OLFM3: variants seen among roughly 807,000 people sequenced by gnomAD.
The protein encoded by OLFM3 is olfactomedin 3.
OLFM3 carries 20 observed loss-of-function variants against 48.6 expected under a neutral mutation model. That is an observed-to-expected ratio of 0.41 (90% CI 0.29 to 0.60). The LOEUF is 0.60. OLFM3 is among the 20% of genes least tolerant of loss of function. OLFM3 has a pLI of 0.28. For synonymous variants in OLFM3, 222 were observed against 198.1 expected (o/e 1.12, Z -1.01); for missense variants, 437 against 544.3 (o/e 0.80, Z 1.96).
chr1:101,885,276 T>G (rs185939588), intron 1 of OLFM3, among the ~76,000 whole-genome samples: 1 of 152,140 alleles, frequency 6.6e-6, no homozygotes, highest in East Asian at 1.9e-4. Context: ...AAGATGACTT[T>G]ATGGAGATGG....
chr1:101,985,996 C>T (rs1049446680), intron 1 of OLFM3, among the ~76,000 whole-genome samples: 7 of 145,470 alleles, frequency 4.8e-5, no homozygotes, highest in Admixed American at 2.8e-4. Context: ...CACAGAGTCT[C>T]GCTCTGTCCC....
chr1:101,830,175 G>A (rs1012512795), intron 3 of OLFM3, among the ~76,000 whole-genome samples: 1 of 152,028 alleles, frequency 6.6e-6, no homozygotes, highest in African/African-American at 2.4e-5. Flanking sequence ...TTCATATATA[G>A]TTAACAAAAG....
At chr1:101,911,876 C>T (rs1193607973) in intron 1 of OLFM3, among the ~76,000 whole-genome samples, 1 of 152,184 alleles carries the variant, frequency 6.6e-6, no homozygotes, top group Non-Finnish European at 1.5e-5. Context: ...TGAACTTTCT[C>T]CCATATCTTG....
chr1:101,866,118 A>G (rs1022980954), intron 1 of OLFM3, among the ~76,000 whole-genome samples: 5 of 152,204 alleles, frequency 3.3e-5, no homozygotes, highest in Non-Finnish European at 7.4e-5. Flanking sequence ...GATGAAATAA[A>G]ATGTCTCGAA....
chr1:101,971,899 T>A (rs1391348807), intron 1 of OLFM3, among the ~76,000 whole-genome samples: 1 of 151,832 alleles, frequency 6.6e-6, no homozygotes, highest in African/African-American at 2.4e-5. Flanking sequence ...GATTTTAGGA[T>A]GCATATGTGT....
intron 1 of OLFM3, among the ~76,000 whole-genome samples, chr1:101,871,432 T>C (rs1657080384): frequency 6.6e-6 from 1 of 152,158 alleles, no homozygotes; most frequent in Non-Finnish European, 1.5e-5. Context: ...TTTACTTTAC[T>C]AGTTAATTTA....
intron 1 of OLFM3, among the ~76,000 whole-genome samples, chr1:101,913,861 G>A (rs1342120011): frequency 6.6e-6 from 1 of 152,010 alleles, no homozygotes; most frequent in South Asian, 2.1e-4. Context: ...AATAGATTAG[G>A]TAAATTAATA....
intron 1 of OLFM3, among the ~76,000 whole-genome samples, chr1:101,881,130 T>A (rs985251373): frequency 6.6e-6 from 1 of 151,932 alleles, no homozygotes; most frequent in African/African-American, 2.4e-5. Context: ...GATGACTTCA[T>A]TGAAAATCTG....
chr1:101,808,959 A>C (rs533493541), intron 4 of OLFM3, among the ~76,000 whole-genome samples: 1 of 151,892 alleles, frequency 6.6e-6, no homozygotes, highest in East Asian at 1.9e-4. Flanking sequence ...AGGAAAACAC[A>C]AAAGAACTAT....
chr1:101,987,826 A>G (rs1035535093), intron 1 of OLFM3, among the ~76,000 whole-genome samples: 1 of 152,060 alleles, frequency 6.6e-6, no homozygotes, highest in Non-Finnish European at 1.5e-5. Flanking sequence ...GGTTATATAG[A>G]TGTCTGTTTA....
chr1:101,984,097 G>A (rs1050412855), intron 1 of OLFM3, among the ~76,000 whole-genome samples: 1 of 151,944 alleles, frequency 6.6e-6, no homozygotes, highest in Admixed American at 6.6e-5. Flanking sequence ...AAAATTAGCT[G>A]AGCGTGGTGC....
chr1:101,959,963 G>A (rs1022614600), intron 1 of OLFM3, among the ~76,000 whole-genome samples: 9 of 152,046 alleles, frequency 5.9e-5, no homozygotes, highest in Admixed American at 1.3e-4. Context: ...CATATAACAC[G>A]AATAATACCA....
rs541873591 is a variant in OLFM3 at position 101,817,485 on chromosome 1, T to C, written c.592+7541A>G. ...TGACTTTTGGACTTTAAATTTCTTA[T>C]AGTCAGTTACAATCCATATTTATCA... On this transcript the variant is annotated intron_variant, in intron 4 of 5. Transcript: ENST00000370103. Among the ~76,000 whole-genome samples the C allele has an allele frequency of 4.6e-5, 7 of 152,296 alleles. No individual in the cohort carries two copies. The South Asian group carries it at 1.4e-3, about 32-fold the overall frequency.
At chr1:101,860,761 A>G (rs1239920962) in intron 1 of OLFM3, among the ~76,000 whole-genome samples, 1 of 152,076 alleles carries the variant, frequency 6.6e-6, no homozygotes, top group Non-Finnish European at 1.5e-5. Flanking sequence ...CAGTGGCTCA[A>G]GAAGGATTCC....
intron 3 of OLFM3, among the ~76,000 whole-genome samples, chr1:101,828,393 T>G (rs1050119587): frequency 6.6e-6 from 1 of 152,160 alleles, no homozygotes; most frequent in African/African-American, 2.4e-5. Flanking sequence ...AAATCATTAT[T>G]GTTATTATCA....
chr1:101,819,882 C>G (rs1485497838), intron 4 of OLFM3, among the ~76,000 whole-genome samples: 1 of 151,938 alleles, frequency 6.6e-6, no homozygotes, highest in Non-Finnish European at 1.5e-5. Flanking sequence ...AATGCCTAAC[C>G]CAGAGTTCTT....
At chr1:101,876,582 C>T (rs967017637) in intron 1 of OLFM3, among the ~76,000 whole-genome samples, 21 of 151,682 alleles carry the variant, frequency 1.4e-4, no homozygotes, top group Admixed American at 1.4e-3. Flanking sequence ...CAAATTTAAG[C>T]CTGACCAAAA....
rs545945173 is a variant in OLFM3 at position 101,843,576 on chromosome 1, A to T, written c.70-6551T>A. Among the ~76,000 whole-genome samples, 5 of 152,346 alleles carry T rather than the reference A, an allele frequency of 3.3e-5. No individual in the cohort carries two copies. In the South Asian group the frequency reaches 8.3e-4, roughly 25 times the overall value. On this transcript the variant is annotated intron_variant, in intron 1 of 5. Coordinates refer to ENST00000370103, the MANE Select transcript of OLFM3 (RefSeq NM_058170.4). ...ACAAGAAGGATAAAGGAATGTTTCA[A>T]GATTCTGAGAAAAACAAGAAGGAGC...
intron 1 of OLFM3, among the ~76,000 whole-genome samples, chr1:101,963,862 C>G (rs1660536569): frequency 6.6e-6 from 1 of 151,936 alleles, no homozygotes; most frequent in African/African-American, 2.4e-5. Flanking sequence ...ACACTGTCAA[C>G]ATAACAGTTA....
Sources: allele counts gnomAD v4.1 joint callset (sites outside exome capture counted in the v4.1 genomes callset), GRCh38; gene constraint gnomAD v4.1.1; transcripts MANE v1.5; gene names NCBI Gene and HGNC (gene_info 2026-07-23, HGNC 2026-07-21).